The following FAM135B variants were observed in gnomAD, a reference collection of about 807,000 sequenced individuals.
FAM135B encodes the protein family with sequence similarity 135 member B.
A neutral mutation model predicts 127.7 loss-of-function variants in FAM135B; 43 were observed. That is an observed-to-expected ratio of 0.34 (90% CI 0.26 to 0.43). The LOEUF is 0.43. Ranked by LOEUF, FAM135B falls within the 20% of genes least tolerant of loss-of-function variation. The pLI is 1.00. For synonymous variants in FAM135B, 670 were observed against 665.1 expected, an observed-to-expected ratio of 1.01 and a Z score of -0.11; for missense variants, 1,558 against 1,725.6, an observed-to-expected ratio of 0.90 and a Z score of 1.72.
intron 2 of FAM135B, among the ~76,000 whole-genome samples, chr8:138,328,568 T>C (rs10093201): frequency 1.3e-5 from 2 of 151,918 alleles, no homozygotes; most frequent in African/African-American, 4.8e-5. Context: ...GGCCAGAGTA[T>C]GGGATGGGTA....
chr8:138,456,006 A>G (rs1302128258), intron 1 of FAM135B, among the ~76,000 whole-genome samples: 2 of 152,208 alleles, frequency 1.3e-5, no homozygotes, highest in Non-Finnish European at 2.9e-5. Flanking sequence ...CAAATGGGAA[A>G]AATAAATTAT....
chr8:138,449,679 G>A (rs1249044554), intron 1 of FAM135B, among the ~76,000 whole-genome samples: 6 of 152,038 alleles, frequency 3.9e-5, no homozygotes, highest in Non-Finnish European at 8.8e-5. Context: ...AACAGCTTTA[G>A]GATCACAGAA....
chr8:138,163,531 T>C (rs540687221), intron 12 of FAM135B, among the ~76,000 whole-genome samples: 1 of 152,176 alleles, frequency 6.6e-6, no homozygotes, highest in Non-Finnish European at 1.5e-5. Flanking sequence ...TTCCCCCATC[T>C]GTTCTCGTGC....
At chr8:138,463,952 G>T (rs529215435) in intron 1 of FAM135B, among the ~76,000 whole-genome samples, 2 of 152,196 alleles carry the variant, frequency 1.3e-5, no homozygotes, top group Non-Finnish European at 2.9e-5. Flanking sequence ...CTGCATTTTT[G>T]AGTTGTATGA....
At chr8:138,244,980 G>A (rs753509721) in intron 6 of FAM135B, among the ~76,000 whole-genome samples, 2 of 152,186 alleles carry the variant, frequency 1.3e-5, no homozygotes, top group Non-Finnish European at 2.9e-5. Context: ...TTCTGGAAAA[G>A]CTAGTGCTTG....
In FAM135B at chr8:138,265,801, C is replaced by A. The variant is rs562977620; in HGVS notation, c.199G>T (p.Val67Leu). The A allele has an allele frequency of 3.7e-6, 6 of 1,613,992 alleles. No homozygotes were observed. The highest frequency in any genetic ancestry group is 4.2e-6 in the Non-Finnish European group (5 of 1,179,980). Residue 67 changes from valine to leucine, a missense_variant, in exon 4 of 20, where the codon GTG (valine) becomes TTG (leucine). By Grantham distance (32) the Val-to-Leu change is conservative (BLOSUM62 1). Around this residue, in one of 5 missense-constraint regions of FAM135B, gnomAD observed 199 missense variants for 245.7 expected, o/e 0.81. Transcript: ENST00000395297. Reference protein sequence around the residue: ...LHSACVHDSTVHSRVFQILYR... With the variant: ...LHSACVHDSTLHSRVFQILYR... ...AAGATCTGAAAGACCCGGCTGTGCACGGTGCTGTCATGGACACAGGCTGAA... is the reference window on the plus strand; with the variant it reads ...AAGATCTGAAAGACCCGGCTGTGCAAGGTGCTGTCATGGACACAGGCTGAA...
At chr8:138,298,559 G>C (rs1324961305) in intron 3 of FAM135B, among the ~76,000 whole-genome samples, 1 of 152,166 alleles carries the variant, frequency 6.6e-6, no homozygotes, top group Non-Finnish European at 1.5e-5. Context: ...AAGAGGGATA[G>C]AAGATAAGTG....
intron 1 of FAM135B, among the ~76,000 whole-genome samples, chr8:138,433,251 T>G (rs1201905477): frequency 6.6e-6 from 1 of 152,116 alleles, no homozygotes; most frequent in East Asian, 1.9e-4. Context: ...CCGGGCACGG[T>G]GGCTCATGCC....
chr8:138,456,781 C>G, intron 1 of FAM135B, among the ~76,000 whole-genome samples: 1 of 152,108 alleles, frequency 6.6e-6, no homozygotes, highest in Non-Finnish European at 1.5e-5. Flanking sequence ...AAAGGACATT[C>G]ATATTGTAAG....
chr8:138,134,708 A>G (rs1168268237), intron 19 of FAM135B, among the ~76,000 whole-genome samples: 2 of 152,186 alleles, frequency 1.3e-5, no homozygotes, highest in Non-Finnish European at 2.9e-5. Flanking sequence ...AGTGATAATC[A>G]TGTATAAACT....
chr8:138,155,539 T>C (rs1319542873), intron 12 of FAM135B, among the ~76,000 whole-genome samples: 1 of 152,100 alleles, frequency 6.6e-6, no homozygotes, highest in Non-Finnish European at 1.5e-5. Context: ...GTGTGCTGTA[T>C]TCAGGAGACC....
In FAM135B at chr8:138,339,513, G is replaced by A. The variant is rs183844261; in HGVS notation, c.77+28394C>T. Among the ~76,000 whole-genome samples the A allele has an allele frequency of 5.3e-5, 8 of 152,108 alleles. No individual in the cohort carries two copies. In the East Asian group the frequency reaches 1.4e-3, roughly 26 times the overall value. ...GGGATGTATTAGAGTCAGGAAAAGT[G>A]ACACCTGCCATTTCTACCATGCTTT... On this transcript the variant is annotated intron_variant, in intron 2 of 19. Transcript: ENST00000395297.
chr8:138,234,517 T>C (rs1418013527), intron 7 of FAM135B, among the ~76,000 whole-genome samples: 5 of 152,220 alleles, frequency 3.3e-5, no homozygotes, highest in African/African-American at 9.6e-5. Flanking sequence ...TGTATATACA[T>C]ACACACTGGA....
At chr8:138,191,686 A>G (rs1047474451) in intron 9 of FAM135B, among the ~76,000 whole-genome samples, 1 of 152,198 alleles carries the variant, frequency 6.6e-6, no homozygotes, top group South Asian at 2.1e-4. Context: ...TCATGGGCCA[A>G]AAGATGAATG....
In FAM135B at chr8:138,216,611, C is replaced by T. The variant is rs187940248; in HGVS notation, c.670-18942G>A. ...AAAAAGTCAGTCATCTGATGTGCTG[C>T]CTTTCTCACTCATTTGGGCAATAAA... On this transcript the variant is annotated intron_variant, in intron 7 of 19. Transcript: ENST00000395297. 2.2e-4 allele frequency among the ~76,000 whole-genome samples: 34 copies of T among 152,280 alleles called. No homozygotes were observed. In the East Asian group the frequency reaches 6.6e-3, roughly 29 times the overall value.
At chr8:138,447,247 C>T (rs893632938) in intron 1 of FAM135B, among the ~76,000 whole-genome samples, 2 of 152,080 alleles carry the variant, frequency 1.3e-5, no homozygotes, top group Non-Finnish European at 2.9e-5. Flanking sequence ...GATAGTGTGG[C>T]GATTCCTCAG....
chr8:138,340,888 C>T (rs1829002224), intron 2 of FAM135B, among the ~76,000 whole-genome samples: 1 of 152,188 alleles, frequency 6.6e-6, no homozygotes, highest in Non-Finnish European at 1.5e-5. Flanking sequence ...TCAGCCCCCG[C>T]ATGCTCTCCA....
chr8:138,289,261 A>G (rs945312989), intron 3 of FAM135B, among the ~76,000 whole-genome samples: 2 of 152,176 alleles, frequency 1.3e-5, no homozygotes, highest in African/African-American at 4.8e-5. Context: ...ATGCCCACCC[A>G]ATAGGAATCA....
At chr8:138,157,528 G>C (rs1387347348) in intron 12 of FAM135B, among the ~76,000 whole-genome samples, 1 of 152,102 alleles carries the variant, frequency 6.6e-6, no homozygotes, top group Non-Finnish European at 1.5e-5. Context: ...CAGATGACAT[G>C]ATTGTATATT....
Sources: gnomAD v4.1 joint callset for allele counts (sites outside exome capture counted in the v4.1 genomes callset) on GRCh38, gnomAD v4.1.1 for gene constraint, gnomAD v4.1.1 regional missense constraint, MANE v1.5 for transcripts, NCBI Gene and HGNC (gene_info 2026-07-23, HGNC 2026-07-21) for gene names.